AFF3: variants seen among roughly 807,000 people sequenced by gnomAD.
AFF3 encodes AF4/FMR2 family member 3.
In AFF3, 32 loss-of-function variants were observed where a neutral mutation model predicts 129.7. The ratio of observed to expected loss-of-function variants is 0.25; its 90% confidence interval spans 0.19 to 0.33. The LOEUF (loss-of-function observed/expected upper bound fraction) is 0.33. AFF3 is among the 10% of genes least tolerant of loss of function. AFF3 has a pLI of 1.00. For synonymous variants in AFF3, 644 were observed against 635.4 expected (o/e 1.01, Z -0.20); for missense variants, 1,373 against 1,592.0 (o/e 0.86, Z 2.34).
chr2:99,752,965 T>G (rs1034609127), intron 8 of AFF3, among the ~76,000 whole-genome samples: 1 of 152,204 alleles, frequency 6.6e-6, no homozygotes, highest in East Asian at 1.9e-4. Flanking sequence ...GGTTGTTTTA[T>G]TCACTTCCAG....
intron 11 of AFF3, among the ~76,000 whole-genome samples, chr2:99,724,461 TG>T (rs1313227184): frequency 6.6e-6 from 1 of 151,498 alleles, no homozygotes; most frequent in Non-Finnish European, 1.5e-5. Flanking sequence ...TTAGTAGAGG[TG>T]GGGTTTCGCC....
chr2:100,094,400 C>A (rs560857851), intron 4 of AFF3, among the ~76,000 whole-genome samples: 1 of 152,182 alleles, frequency 6.6e-6, no homozygotes, highest in South Asian at 2.1e-4. Flanking sequence ...TAAGGAGAAA[C>A]CTAGATCCCA....
intron 8 of AFF3, among the ~76,000 whole-genome samples, chr2:99,816,683 G>T (rs975575668): frequency 6.6e-6 from 1 of 151,974 alleles, no homozygotes; most frequent in African/African-American, 2.4e-5. Context: ...GAGAGTGGAG[G>T]AGAGAAGATG....
chr2:99,913,857 T>G (rs1209075599), intron 7 of AFF3, among the ~76,000 whole-genome samples: 1 of 152,140 alleles, frequency 6.6e-6, no homozygotes, highest in African/African-American at 2.4e-5. Flanking sequence ...CATAACCTAC[T>G]GAATAAAATA....
At chr2:99,824,043 T>C (rs1327190058) in intron 8 of AFF3, among the ~76,000 whole-genome samples, 1 of 151,968 alleles carries the variant, frequency 6.6e-6, no homozygotes, top group East Asian at 1.9e-4. Context: ...CATCATGCAA[T>C]ATACCCATGT....
At chr2:99,733,510 TTTTC>T (rs1373456516) in intron 10 of AFF3, among the ~76,000 whole-genome samples, 37 of 152,286 alleles carry the variant, frequency 2.4e-4, no homozygotes, top group African/African-American at 7.9e-4. Flanking sequence ...TTATAGATAA[TTTTC>T]TTTATTTGAC....
At chr2:99,640,383 G>C (rs1488890223) in intron 13 of AFF3, among the ~76,000 whole-genome samples, 3 of 151,998 alleles carry the variant, frequency 2.0e-5, no homozygotes, top group African/African-American at 7.2e-5. Flanking sequence ...CTATCATATG[G>C]AGGGAGAAAG....
intron 10 of AFF3, among the ~76,000 whole-genome samples, chr2:99,730,575 G>C (rs1335774491): frequency 6.6e-6 from 1 of 150,890 alleles, no homozygotes; most frequent in Non-Finnish European, 1.5e-5. Context: ...GAGTGCAGTG[G>C]TGCACTCTCT....
At chr2:100,032,165 G>A (rs1047120332) in intron 4 of AFF3, among the ~76,000 whole-genome samples, 7 of 152,158 alleles carry the variant, frequency 4.6e-5, no homozygotes, top group African/African-American at 1.7e-4. Flanking sequence ...GGTGGCTCAC[G>A]CCTGTAATCC....
intron 7 of AFF3, among the ~76,000 whole-genome samples, chr2:99,849,769 A>C (rs1004646351): frequency 6.6e-6 from 1 of 152,208 alleles, no homozygotes; most frequent in South Asian, 2.1e-4. Context: ...CTGGTTTTTA[A>C]ATATAATGTG....
At chr2:99,582,667 G>T in intron 17 of AFF3, 131 bp downstream of exon 17, 1 of 940,242 alleles carries the variant, frequency 1.1e-6, no homozygotes, top group Non-Finnish European at 1.6e-6. Context: ...GGTCTTCCTA[G>T]AAGCGGGAGG....
intron 4 of AFF3, among the ~76,000 whole-genome samples, chr2:100,098,641 A>G (rs1160098033): frequency 7.5e-6 from 1 of 132,472 alleles, no homozygotes; most frequent in Non-Finnish European, 1.6e-5. Context: ...CACAGGAAGG[A>G]ATCATTTCCC....
At chr2:100,101,054 T>C (rs1690687794) in intron 4 of AFF3, among the ~76,000 whole-genome samples, 9 of 152,178 alleles carry the variant, frequency 5.9e-5, no homozygotes, top group Admixed American at 5.9e-4. Context: ...GAGGTGGAAA[T>C]TAGGGCCATC....
chr2:99,838,451 CT>C (rs1257843501), intron 7 of AFF3, among the ~76,000 whole-genome samples: 1 of 152,180 alleles, frequency 6.6e-6, no homozygotes. Flanking sequence ...CTATCTGCAC[CT>C]TTCCTGGTTT....
chr2:99,945,417 T>G (rs1675461874), intron 7 of AFF3, among the ~76,000 whole-genome samples: 1 of 152,148 alleles, frequency 6.6e-6, no homozygotes, highest in Non-Finnish European at 1.5e-5. Context: ...GGTCTCCCAG[T>G]TCTCATCACA....
chr2:100,062,531 G>C (rs543250392), intron 4 of AFF3, among the ~76,000 whole-genome samples: 1 of 152,178 alleles, frequency 6.6e-6, no homozygotes, highest in Non-Finnish European at 1.5e-5. Context: ...GTGATCTCAC[G>C]TGATCTCTGG....
At chr2:99,768,790 T>C (rs1440675023) in intron 8 of AFF3, among the ~76,000 whole-genome samples, 1 of 152,250 alleles carries the variant, frequency 6.6e-6, no homozygotes, top group African/African-American at 2.4e-5. Context: ...AAAGTTTTTT[T>C]TCCTTTAGCA....
At chr2:100,104,076 C>A (rs1690998477) in intron 4 of AFF3, among the ~76,000 whole-genome samples, 2 of 151,952 alleles carry the variant, frequency 1.3e-5, no homozygotes, top group Admixed American at 6.5e-5. Flanking sequence ...ACGGGTGGAT[C>A]CCCAGGCATT....
intron 4 of AFF3, among the ~76,000 whole-genome samples, chr2:100,013,666 G>C (rs1467430970): frequency 6.6e-6 from 1 of 152,122 alleles, no homozygotes; most frequent in Non-Finnish European, 1.5e-5. Flanking sequence ...AGGAATAAAT[G>C]AAATAAGGCA....
Sources: allele counts gnomAD v4.1 joint callset (sites outside exome capture counted in the v4.1 genomes callset), GRCh38; gene constraint gnomAD v4.1.1; transcripts MANE v1.5; gene names NCBI Gene and HGNC (gene_info 2026-07-23, HGNC 2026-07-21).